Variants in SYNRG observed in about 807,000 individuals in gnomAD.
SYNRG encodes the protein AP1 gamma subunit binding protein 1.
SYNRG carries 37 observed loss-of-function variants against 130.9 expected under a neutral mutation model. The observed-to-expected ratio is 0.28, with a 90% CI of 0.22 to 0.37. The LOEUF (loss-of-function observed/expected upper bound fraction) is 0.37, where lower values mean the gene tolerates loss of function less well. SYNRG is among the 10% of genes least tolerant of loss of function. The probability of loss-of-function intolerance (pLI) is 1.00; values close to 1 mark genes in which losing one functional copy is unlikely to be tolerated. For missense variants in SYNRG, 1,338 were observed against 1,588.9 expected (o/e 0.84, Z 2.68); for synonymous variants, 539 against 568.1 (o/e 0.95, Z 0.73).
chr17:37,585,832 C>A (rs1445774668), intron 4 of SYNRG, among the ~76,000 whole-genome samples: 1 of 152,116 alleles, frequency 6.6e-6, no homozygotes, highest in Non-Finnish European at 1.5e-5. Context: ...AGGAAGCCTG[C>A]CTTTGGGTCC....
chr17:37,596,182 A>G (rs762354447), intron 3 of SYNRG, 41 bp downstream of exon 3: 1 of 1,605,706 alleles, frequency 6.2e-7, no homozygotes, highest in African/African-American at 1.3e-5. Flanking sequence ...ACGTAACAAC[A>G]AACAATAACT....
chr17:37,561,844 T>C (rs1260949359), intron 11 of SYNRG, among the ~76,000 whole-genome samples: 2 of 151,740 alleles, frequency 1.3e-5, no homozygotes, highest in Admixed American at 1.3e-4. Flanking sequence ...AGGGGTCAGA[T>C]CCATGCTGAC....
rs1248807249 is a variant in SYNRG at position 37,518,856 on chromosome 17, A to G, written c.*84T>C. On this transcript the variant is annotated 3_prime_UTR_variant, in exon 22 of 22. Coordinates refer to ENST00000612223, the MANE Select transcript of SYNRG (RefSeq NM_007247.6). ...ATCGATTCAGGGAAGCGAACTGTGC[A>G]GTGCTCGCATTCTATTTATTGGTCC... 2 of 1,550,974 alleles carry G rather than the reference A, an allele frequency of 1.3e-6. No individual in the cohort carries two copies. Among genetic ancestry groups the G allele is most frequent in the Non-Finnish European group, 1.7e-6 (2 of 1,144,716 alleles).
At chr17:37,609,166 C>T in intron 1 of SYNRG, 113 bp downstream of exon 1, 1 of 1,191,544 alleles carries the variant, frequency 8.4e-7, no homozygotes, top group Non-Finnish European at 1.1e-6. Context: ...CCTCCTCCCG[C>T]AGCCCAGTTC....
In SYNRG at chr17:37,568,852, A is replaced by ATGAG; in HGVS notation, c.1416_1419dup (p.Phe474LeufsTer4). 6.2e-7 allele frequency: 1 copy of ATGAG among 1,614,126 alleles called. No individual in the cohort carries two copies. Among genetic ancestry groups the ATGAG allele is most frequent in the Non-Finnish European group, 8.5e-7 (1 of 1,179,996 alleles). ...GCAGGCAACTCTTGGAAATCACTGA[A>ATGAG]TGAGTCATCAAGGGATCCTGACTTA... On this transcript the variant is annotated frameshift_variant, in exon 11 of 22. Transcript: ENST00000612223. LOFTEE classifies it high-confidence loss of function.
intron 11 of SYNRG, 58 bp from the exon 12 acceptor site, chr17:37,561,647 A>G (rs894289579): frequency 7.7e-7 from 1 of 1,303,326 alleles, no homozygotes; most frequent in African/African-American, 1.5e-5. Context: ...ATCATCTAAA[A>G]GGAAGTTAGA....
At chr17:37,525,579 C>T (rs772044635) in intron 19 of SYNRG, among the ~76,000 whole-genome samples, 1 of 152,038 alleles carries the variant, frequency 6.6e-6, no homozygotes, top group Non-Finnish European at 1.5e-5. Flanking sequence ...ACACCTGTAA[C>T]CCCAGCACTT....
rs773578967 is a variant in SYNRG at position 37,553,718 on chromosome 17, C to T, written c.2005G>A (p.Asp669Asn). The change falls in exon 14 of 22, where the codon GAT becomes AAT. Residue 669 changes from aspartate (D) to asparagine (N), a missense_variant. By Grantham distance (23) the Asp-to-Asn change is conservative. Coordinates refer to ENST00000612223, the MANE Select transcript of SYNRG (RefSeq NM_007247.6). ...AATKTSSLAD[D>N]FGEFSLFGEY... Reference sequence around the variant, plus strand: ...CCAAAAAGGCTGAATTCTCCAAAATCATCAGCCAAACTAGAAGTTTTTGTT... The same window carrying T: ...CCAAAAAGGCTGAATTCTCCAAAATTATCAGCCAAACTAGAAGTTTTTGTT... The T allele has an allele frequency of 3.1e-6, 5 of 1,613,742 alleles. No individual in the cohort carries two copies. Among genetic ancestry groups the T allele is most frequent in the Non-Finnish European group, 4.2e-6 (5 of 1,179,928 alleles).
At chr17:37,575,216 A>C (rs964190379) in intron 8 of SYNRG, among the ~76,000 whole-genome samples, 3 of 152,216 alleles carry the variant, frequency 2.0e-5, no homozygotes, top group Admixed American at 6.5e-5. Flanking sequence ...GTTGGATAGG[A>C]GGAATAAGAT....
chr17:37,531,575 G>A (rs2056635164), intron 19 of SYNRG, among the ~76,000 whole-genome samples: 1 of 152,108 alleles, frequency 6.6e-6, no homozygotes, highest in African/African-American at 2.4e-5. Flanking sequence ...CACGGAGTTT[G>A]AGACCAGCCT....
chr17:37,553,176 A>C lies in SYNRG; in HGVS notation c.2547T>G (p.His849Gln), dbSNP rs1429706392. The C allele has an allele frequency of 6.2e-7, 1 of 1,614,148 alleles. No individual in the cohort carries two copies. The highest frequency in any genetic ancestry group is 2.2e-5 in the East Asian group (1 of 44,884). Residue 849 changes from histidine (H) to glutamine (Q), a missense_variant, in exon 14 of 22, where the codon CAT becomes CAG. By Grantham distance (24) the His-to-Gln change is conservative. Coordinates refer to ENST00000612223, the MANE Select transcript of SYNRG (RefSeq NM_007247.6). ...KLADVGGDLKHVMSDSSLDLP... is the reference protein window; with the variant it reads ...KLADVGGDLKQVMSDSSLDLP... ...AATCCAAAGAGCTATCAGACATGACATGCTTAAGATCTCCTCCCACATCAG... is the reference window on the plus strand; with the variant it reads ...AATCCAAAGAGCTATCAGACATGACCTGCTTAAGATCTCCTCCCACATCAG...
At chr17:37,522,454 G>A (rs528858334) in intron 19 of SYNRG, among the ~76,000 whole-genome samples, 11 of 150,976 alleles carry the variant, frequency 7.3e-5, no homozygotes, top group Admixed American at 3.3e-4. Flanking sequence ...GCCCGGCCCC[G>A]CAGCACACTT....
chr17:37,606,814 G>A (rs1227619466), intron 1 of SYNRG, among the ~76,000 whole-genome samples: 1 of 152,046 alleles, frequency 6.6e-6, no homozygotes, highest in Admixed American at 6.6e-5. Flanking sequence ...AGAATATAGA[G>A]AAGTATCTAA....
intron 3 of SYNRG, among the ~76,000 whole-genome samples, chr17:37,595,239 C>T (rs1009025400): frequency 3.9e-5 from 6 of 152,146 alleles, no homozygotes; most frequent in African/African-American, 1.4e-4. Flanking sequence ...GACTTCAAAA[C>T]AACAATGGTT....
chr17:37,553,375 T>C lies in SYNRG; in HGVS notation c.2348A>G (p.Lys783Arg). Residue 783 changes from lysine (K) to arginine (R), a missense_variant, in exon 14 of 22, where the codon AAA (lysine) becomes AGA (arginine). By Grantham distance (26) the Lys-to-Arg change is conservative. Around this residue, in one of 3 missense-constraint regions of SYNRG, gnomAD observed 1,146 missense variants for 1,342.3 expected, o/e 0.85. Transcript: ENST00000612223. ...TTTGTCCGAGTTTATGGAAGAAAATTTACTGGAGTGGAAGTCAGCAAAATC... is the reference window on the plus strand; with the variant it reads ...TTTGTCCGAGTTTATGGAAGAAAATCTACTGGAGTGGAAGTCAGCAAAATC... The part of the protein sequence containing the change: ...DDDFADFHSS[K>R]FSSINSDKSL... 9 of 1,614,166 alleles carry C rather than the reference T, an allele frequency of 5.6e-6. No individual in the cohort carries two copies. The highest frequency in any genetic ancestry group is 7.6e-6 in the Non-Finnish European group (9 of 1,180,026).
chr17:37,601,952 G>A (rs766610846), intron 1 of SYNRG, among the ~76,000 whole-genome samples: 2 of 151,970 alleles, frequency 1.3e-5, no homozygotes, highest in Middle Eastern at 3.2e-3. Context: ...CATGAGCTAC[G>A]GCACTTGGCC....
At chr17:37,525,552 C>T (rs1029511837) in intron 19 of SYNRG, among the ~76,000 whole-genome samples, 2 of 152,160 alleles carry the variant, frequency 1.3e-5, no homozygotes, top group Non-Finnish European at 1.5e-5. Flanking sequence ...ACACGTAAGC[C>T]GGGAGTATGG....
chr17:37,553,239 A>G lies in SYNRG; in HGVS notation c.2484T>C (p.Ser828=). 1 of 1,613,970 alleles carries G rather than the reference A, an allele frequency of 6.2e-7. No homozygotes were observed. The highest frequency in any genetic ancestry group is 8.5e-7 in the Non-Finnish European group (1 of 1,179,978). ...IGGSSVGKED[S]EDALSVQFDM... is the part of the protein sequence containing the mutation. ...CAAACTGAACAGAGAGTGCATCTTC[A>G]GAGTCCTCCTTGCCAACACTGCTGC... The change falls in exon 14 of 22, where the codon TCT becomes TCC. Residue 828 remains serine (S), a synonymous_variant. Transcript: ENST00000612223.
At position 37,585,437 on chromosome 17, in the gene SYNRG, GA is replaced by G; in HGVS notation, c.372-8del. Reference sequence around the variant, plus strand: ...CTGCTGTTCAAATCGTTTCCTGAAGGAAAAATGATCTAATAAAGAACCAGCT... The same window carrying G: ...CTGCTGTTCAAATCGTTTCCTGAAGGAAAATGATCTAATAAAGAACCAGCT... On this transcript the variant is annotated splice_polypyrimidine_tract_variant and splice_region_variant and intron_variant, in intron 4 of 21. Coordinates refer to ENST00000612223, the MANE Select transcript of SYNRG (RefSeq NM_007247.6). 6.2e-7 allele frequency: 1 copy of G among 1,601,248 alleles called. No individual in the cohort carries two copies. Among genetic ancestry groups the G allele is most frequent in the Non-Finnish European group, 8.5e-7 (1 of 1,171,484 alleles).
Sources: gnomAD v4.1 joint callset for allele counts (sites outside exome capture counted in the v4.1 genomes callset) on GRCh38, gnomAD v4.1.1 for gene constraint, gnomAD v4.1.1 regional missense constraint, MANE v1.5 for transcripts, NCBI Gene and HGNC (gene_info 2026-07-23, HGNC 2026-07-21) for gene names.